MMP16: variants seen among roughly 807,000 people sequenced by gnomAD.
MMP16 encodes matrix metallopeptidase 16.
A neutral mutation model predicts 67.8 loss-of-function variants in MMP16; 12 were observed. The observed-to-expected ratio is 0.18, with a 90% confidence interval of 0.11 to 0.29. MMP16 has a LOEUF of 0.29. Ranked by LOEUF, MMP16 falls within the 10% of genes least tolerant of loss-of-function variation. The pLI, the probability that MMP16 is intolerant of heterozygous loss-of-function variation, is 1.00. For missense variants in MMP16, 475 were observed against 765.7 expected (o/e 0.62, Z 4.48); for synonymous variants, 249 against 255.9 (o/e 0.97, Z 0.26).
chr8:88,313,493 T>C (rs1346597555), intron 1 of MMP16, among the ~76,000 whole-genome samples: 1 of 152,220 alleles, frequency 6.6e-6, no homozygotes, highest in Non-Finnish European at 1.5e-5. Flanking sequence ...GATTTTTCTC[T>C]TTATCACTCA....
At chr8:88,147,918 C>T (rs181611925) in intron 4 of MMP16, among the ~76,000 whole-genome samples, 2 of 152,106 alleles carry the variant, frequency 1.3e-5, no homozygotes, top group East Asian at 1.9e-4. Context: ...ATACTCTTTC[C>T]CCCGTTTTCT....
chr8:88,121,008 G>C (rs1218233111), intron 4 of MMP16, among the ~76,000 whole-genome samples: 1 of 151,394 alleles, frequency 6.6e-6, no homozygotes, highest in Non-Finnish European at 1.5e-5. Context: ...TTTTGGCTAG[G>C]AGCCTAGCTG....
At chr8:88,216,299 G>T (rs916808214) in intron 1 of MMP16, among the ~76,000 whole-genome samples, 1 of 152,026 alleles carries the variant, frequency 6.6e-6, no homozygotes, top group African/African-American at 2.4e-5. Flanking sequence ...GTAAAAATTG[G>T]TTAAATAACA....
At chr8:88,298,836 A>G (rs1563588304) in intron 1 of MMP16, among the ~76,000 whole-genome samples, 1 of 152,134 alleles carries the variant, frequency 6.6e-6, no homozygotes, top group Non-Finnish European at 1.5e-5. Flanking sequence ...CACACATTAC[A>G]TGGTCAGAGT....
chr8:88,251,400 C>CAAACCTGAGAAAAACA (rs1810218823), intron 1 of MMP16, among the ~76,000 whole-genome samples: 1 of 149,196 alleles, frequency 6.7e-6, no homozygotes, highest in Admixed American at 6.7e-5. Flanking sequence ...GGAAAGGATT[C>CAAACCTGAGAAAAACA]CCTATTTAAT....
chr8:88,060,937 G>C (rs546527127), intron 7 of MMP16, among the ~76,000 whole-genome samples: 1 of 152,146 alleles, frequency 6.6e-6, no homozygotes, highest in African/African-American at 2.4e-5. Context: ...GAGGGCATTA[G>C]TTTGGAATCT....
chr8:88,322,991 G>A (rs751456780), intron 1 of MMP16, among the ~76,000 whole-genome samples: 8 of 152,056 alleles, frequency 5.3e-5, no homozygotes, highest in Admixed American at 1.3e-4. Flanking sequence ...TATTTGAGAC[G>A]TTTTGTTAAA....
rs1000422180 is a variant in MMP16, at chr8:88,327,428, C to A, written c.-222G>T. On this transcript the variant is annotated 5_prime_UTR_variant, in exon 1 of 10. Transcript: ENST00000286614. ...GTCAGCAGTAGTTCCTGTTCACCAT[C>A]CTCCGGGGTCAGTCACCGGGAACGT... 7.3e-5 allele frequency: 38 copies of A among 517,724 alleles called. No homozygotes were observed. Among genetic ancestry groups the A allele is most frequent in the South Asian group, 7.2e-4 (37 of 51,256 alleles). The allele number at this position is 517,724 out of a possible 1,614,324, so 32.1% of individuals were successfully genotyped here.
chr8:88,048,610 T>C (rs1808228455), intron 8 of MMP16, among the ~76,000 whole-genome samples: 1 of 152,168 alleles, frequency 6.6e-6, no homozygotes, highest in South Asian at 2.1e-4. Flanking sequence ...GAATGATAGG[T>C]AGAAATATAA....
At chr8:88,265,375 C>T (rs191626576) in intron 1 of MMP16, among the ~76,000 whole-genome samples, 1 of 152,018 alleles carries the variant, frequency 6.6e-6, no homozygotes, top group Admixed American at 6.5e-5. Context: ...ATTCAATATA[C>T]TATGAAAGCT....
intron 1 of MMP16, among the ~76,000 whole-genome samples, chr8:88,274,461 C>T (rs1810614008): frequency 6.6e-6 from 1 of 152,042 alleles, no homozygotes; most frequent in Non-Finnish European, 1.5e-5. Context: ...TATTCAGCTC[C>T]TTGCATGTTC....
At chr8:88,227,079 A>G (rs1475281830) in intron 1 of MMP16, among the ~76,000 whole-genome samples, 1 of 151,996 alleles carries the variant, frequency 6.6e-6, no homozygotes, top group Non-Finnish European at 1.5e-5. Context: ...TAAGTAACAT[A>G]ACTTCCTATG....
intron 1 of MMP16, among the ~76,000 whole-genome samples, chr8:88,200,782 T>G (rs1442053249): frequency 6.6e-6 from 1 of 151,952 alleles, no homozygotes; most frequent in Non-Finnish European, 1.5e-5. Flanking sequence ...TGAAAACCTA[T>G]GTTAATTGAC....
At chr8:88,265,103 C>T (rs868023157) in intron 1 of MMP16, among the ~76,000 whole-genome samples, 1 of 152,052 alleles carries the variant, frequency 6.6e-6, no homozygotes, top group African/African-American at 2.4e-5. Flanking sequence ...AAGCAGAATC[C>T]TTTTACGTTA....
At position 88,197,115 on chromosome 8, in the gene MMP16, G is replaced by C. The variant is rs767062425; in HGVS notation, c.281+43C>G. 3.8e-6 allele frequency: 6 copies of C among 1,591,000 alleles called. No individual in the cohort carries two copies. In the South Asian group the frequency reaches 5.8e-5, roughly 15 times the overall value. On this transcript the variant is annotated intron_variant, in intron 2 of 9. Transcript: ENST00000286614. ...AAAGTTTTCCAGACTACTTAGTTTGGCTCAAGGACCAAAAAGAAAGGAGGA... is the reference window on the plus strand; with the variant it reads ...AAAGTTTTCCAGACTACTTAGTTTGCCTCAAGGACCAAAAAGAAAGGAGGA...
Position 88,056,281 on chromosome 8 carries a change from G to C in MMP16, c.1223-3C>G. 6.6e-7 allele frequency: 1 copy of C among 1,513,542 alleles called. No individual in the cohort carries two copies. The highest frequency in any genetic ancestry group is 1.3e-5 in the South Asian group (1 of 75,788). 93.8% of individuals were successfully genotyped at this position (1,513,542 alleles called of 1,614,324 possible). On this transcript the variant is annotated splice_region_variant and splice_polypyrimidine_tract_variant and intron_variant, in intron 7 of 9. Transcript: ENST00000286614. ...CTTGAACACCCAATATTTGTTACCTGTATGGAATAAGTGTAAATGTAGAAT... is the reference window on the plus strand; with the variant it reads ...CTTGAACACCCAATATTTGTTACCTCTATGGAATAAGTGTAAATGTAGAAT...
chr8:88,168,866 T>C (rs1354085948), intron 3 of MMP16, among the ~76,000 whole-genome samples: 1 of 152,138 alleles, frequency 6.6e-6, no homozygotes, highest in Non-Finnish European at 1.5e-5. Context: ...ACTAATGAAA[T>C]ATTTTTGATT....
intron 7 of MMP16, among the ~76,000 whole-genome samples, chr8:88,072,318 T>G (rs1450670260): frequency 6.6e-6 from 1 of 152,064 alleles, no homozygotes; most frequent in Non-Finnish European, 1.5e-5. Flanking sequence ...CTGCCAGTCA[T>G]GAGGTAGAGT....
chr8:88,127,046 G>A (rs1377006375), intron 4 of MMP16, among the ~76,000 whole-genome samples: 11 of 151,794 alleles, frequency 7.2e-5, no homozygotes, highest in East Asian at 3.9e-4. Context: ...ACACTGGATC[G>A]CAGTAAGTAA....
Sources: allele counts gnomAD v4.1 joint callset (sites outside exome capture counted in the v4.1 genomes callset), GRCh38; gene constraint gnomAD v4.1.1; transcripts MANE v1.5; gene names NCBI Gene and HGNC (gene_info 2026-07-23, HGNC 2026-07-21).